The following SCHIP1 variants were observed in gnomAD, a reference collection of about 807,000 sequenced individuals.
The protein encoded by SCHIP1 is schwannomin interacting protein 1.
SCHIP1 carries 8 observed loss-of-function variants against 29.7 expected under a neutral mutation model. The ratio of observed to expected loss-of-function variants is 0.27; its 90% CI spans 0.16 to 0.49. The LOEUF (loss-of-function observed/expected upper bound fraction) is 0.49, where lower values mean the gene tolerates loss of function less well. Among genes scored for constraint, SCHIP1 ranks in the 20% least tolerant of loss-of-function variants. SCHIP1 has a pLI of 0.99. For synonymous variants in SCHIP1, 76 were observed against 94.9 expected (o/e 0.80, Z 1.16); for missense variants, 193 against 294.6 (o/e 0.66, Z 2.52).
chr3:159,832,947 ATTG>A, the SCHIP1 span, among the ~76,000 whole-genome samples: 35 of 152,238 alleles, frequency 2.3e-4, no homozygotes, highest in Admixed American at 2.0e-3. Flanking sequence ...ATTACCTGTT[ATTG>A]TTGTTAATCT....
chr3:159,694,534 A>C, the SCHIP1 span, among the ~76,000 whole-genome samples: 1 of 146,590 alleles, frequency 6.8e-6, no homozygotes, highest in African/African-American at 2.5e-5. Context: ...AAAAAAGAAA[A>C]GACAAGAAAG....
chr3:159,373,773 A>G, the SCHIP1 span, among the ~76,000 whole-genome samples: 1 of 152,064 alleles, frequency 6.6e-6, no homozygotes, highest in African/African-American at 2.4e-5. Context: ...TACATTGTGT[A>G]TATATATATG....
the SCHIP1 span, among the ~76,000 whole-genome samples, chr3:159,655,191 A>G: frequency 6.6e-6 from 1 of 152,232 alleles, no homozygotes; most frequent in East Asian, 1.9e-4. Context: ...GGCATATAGC[A>G]AGTGTTTAAT....
chr3:159,376,671 G>A, the SCHIP1 span, among the ~76,000 whole-genome samples: 10 of 152,152 alleles, frequency 6.6e-5, no homozygotes, highest in Admixed American at 2.0e-4. Flanking sequence ...CAAGTGCTGT[G>A]TTTCATATTC....
chr3:159,892,283 C>G, intron 6 of SCHIP1, 93 bp downstream of exon 7: 2 of 1,432,626 alleles, frequency 1.4e-6, no homozygotes, highest in Non-Finnish European at 1.9e-6. Flanking sequence ...GAACTTCTTC[C>G]TCTACTTCCA....
the SCHIP1 span, among the ~76,000 whole-genome samples, chr3:159,466,821 C>A: frequency 3.3e-5 from 5 of 152,086 alleles, no homozygotes; most frequent in African/African-American, 7.2e-5. Flanking sequence ...TGGGCCTGAG[C>A]GCATCCTCCT....
chr3:159,821,795 C>G, the SCHIP1 span, among the ~76,000 whole-genome samples: 1 of 152,070 alleles, frequency 6.6e-6, no homozygotes, highest in African/African-American at 2.4e-5. Context: ...TTGGCATATC[C>G]GAATTACCAG....
At chr3:159,478,381 A>G in the SCHIP1 span, among the ~76,000 whole-genome samples, 2 of 152,158 alleles carry the variant, frequency 1.3e-5, no homozygotes, top group Non-Finnish European at 2.9e-5. Context: ...TCAAAAGGCA[A>G]TTCACTGCAA....
chr3:159,532,296 G>A, the SCHIP1 span, among the ~76,000 whole-genome samples: 27 of 152,074 alleles, frequency 1.8e-4, no homozygotes, highest in East Asian at 3.7e-3. Context: ...ATACAAGTGA[G>A]TCTGAATTGG....
At chr3:159,278,677 CA>C in the SCHIP1 span, among the ~76,000 whole-genome samples, 3 of 152,166 alleles carry the variant, frequency 2.0e-5, no homozygotes, top group Non-Finnish European at 2.9e-5. Flanking sequence ...TGTAGACCAT[CA>C]ATTCAAGGGG....
chr3:159,668,376 C>CAAAAAAAAAAAAAAAAAAAAAAAAAAA, the SCHIP1 span, among the ~76,000 whole-genome samples: 8 of 46,416 alleles, frequency 1.7e-4, no homozygotes, highest in African/African-American at 6.7e-4. Flanking sequence ...GACTCCGTCT[C>CAAAAAAAAAAAAAAAAAAAAAAAAAAA]AAAAAAAAAA....
At chr3:159,417,590 G>A in the SCHIP1 span, among the ~76,000 whole-genome samples, 1 of 152,160 alleles carries the variant, frequency 6.6e-6, no homozygotes, top group Admixed American at 6.5e-5. Context: ...TAGACGGATA[G>A]TGATAGGACC....
At chr3:159,764,473 A>G in the SCHIP1 span, 2 of 1,593,872 alleles carry the variant, frequency 1.3e-6, no homozygotes, top group South Asian at 1.1e-5. This position sits in a 1 kb window ranked among gnomAD's most constrained non-coding sequence, Gnocchi z 6.1. Flanking sequence ...GGATCTAGGC[A>G]GTGACGCCGG....
In SCHIP1 at chr3:159,859,930, A is replaced by G. The variant is rs558793916; in HGVS notation, c.31-6233A>G. Among the ~76,000 whole-genome samples, 4 of 152,252 alleles carry G rather than the reference A, an allele frequency of 2.6e-5. No homozygotes were observed. In the East Asian group the frequency reaches 7.7e-4, roughly 29 times the overall value. On this transcript the variant is annotated intron_variant, in intron 1 of 6. Transcript: ENST00000445224. ...AGCCCTCCAGGTAATCCTCTTGCAC[A>G]GTCAATCAAGTTTGAGTGCTATTGG...
the SCHIP1 span, among the ~76,000 whole-genome samples, chr3:159,809,629 C>CATGG: frequency 6.8e-6 from 1 of 147,392 alleles, no homozygotes; most frequent in Non-Finnish European, 1.5e-5. Flanking sequence ...CATTGTACTC[C>CATGG]AGCCTGGGCA....
intron 1 of SCHIP1, among the ~76,000 whole-genome samples, chr3:159,860,921 G>C (rs945704349): frequency 6.6e-6 from 1 of 152,020 alleles, no homozygotes; most frequent in Non-Finnish European, 1.5e-5. Flanking sequence ...GCCCTTTCCG[G>C]CTCTGTGGGT....
the SCHIP1 span, among the ~76,000 whole-genome samples, chr3:159,297,602 G>GT: frequency 2.0e-5 from 3 of 151,848 alleles, no homozygotes; most frequent in African/African-American, 7.3e-5. Flanking sequence ...ATGGTAAAAT[G>GT]TTTTTTTAAA....
the SCHIP1 span, among the ~76,000 whole-genome samples, chr3:159,827,666 A>G: frequency 1.4e-4 from 22 of 152,104 alleles, no homozygotes; most frequent in East Asian, 1.4e-3. Flanking sequence ...TTAGCCGGGC[A>G]CGGTGGCGGG....
the SCHIP1 span, among the ~76,000 whole-genome samples, chr3:159,375,036 A>G: frequency 6.6e-6 from 1 of 152,226 alleles, no homozygotes; most frequent in African/African-American, 2.4e-5. Context: ...GTCATATTAA[A>G]TGTCATTAAA....
Sources: allele counts gnomAD v4.1 joint callset (sites outside exome capture counted in the v4.1 genomes callset), GRCh38; gene constraint gnomAD v4.1.1; non-coding constraint Gnocchi (gnomAD v3.1); transcripts MANE v1.5; gene names NCBI Gene and HGNC (gene_info 2026-07-23, HGNC 2026-07-21).